ATP2A2: variants seen among roughly 807,000 people sequenced by gnomAD.
The protein encoded by ATP2A2 is ATPase sarcoplasmic/endoplasmic reticulum Ca2+ transporting 2.
In ATP2A2, 14 loss-of-function variants were observed where a neutral mutation model predicts 109.3. The observed-to-expected ratio is 0.13, with a 90% CI of 0.08 to 0.20. ATP2A2 has a LOEUF of 0.20. Among genes scored for constraint, ATP2A2 ranks in the 10% least tolerant of loss-of-function variants. The pLI is 1.00. For synonymous variants in ATP2A2, 506 were observed against 490.9 expected (o/e 1.03, Z -0.41); for missense variants, 657 against 1,321.6 (o/e 0.50, Z 7.80).
At chr12:110,294,686 C>T (rs141206232) in intron 4 of ATP2A2, among the ~76,000 whole-genome samples, 70 of 152,218 alleles carry the variant, frequency 4.6e-4, no homozygotes, top group Middle Eastern at 3.4e-3. Flanking sequence ...AAAGAACATT[C>T]TTAAGTCTTT....
intron 5 of ATP2A2, among the ~76,000 whole-genome samples, chr12:110,307,895 G>A (rs996590808): frequency 9.2e-5 from 14 of 152,124 alleles, no homozygotes; most frequent in Admixed American, 2.0e-4. Flanking sequence ...TGCTTTTGAG[G>A]CTTAGTCATA....
At position 110,339,657 on chromosome 12, in the gene ATP2A2, A is replaced by G; in HGVS notation, c.1697A>G (p.His566Arg). The change falls in exon 13 of 20, where the codon CAT (histidine) becomes CGT (arginine). Residue 566 changes from histidine (H) to arginine (R), a missense_variant. His to Arg is a conservative substitution (Grantham distance 29). This residue lies in a region of ATP2A2 where 180 missense variants were observed against 329.1 expected (regional missense o/e 0.55). Coordinates refer to ENST00000539276, the MANE Select transcript of ATP2A2 (RefSeq NM_170665.4). This position sits in a 1 kb window ranked among gnomAD's most constrained non-coding sequence, Gnocchi z 4.4. ...DTLRCLALAT[H>R]DNPLRREEMH... Reference sequence around the variant, plus strand: ...CTGCGATGCCTGGCCCTGGCCACTCATGACAACCCACTGAGAAGAGAAGAA... The same window carrying G: ...CTGCGATGCCTGGCCCTGGCCACTCGTGACAACCCACTGAGAAGAGAAGAA... The G allele has an allele frequency of 6.2e-7, 1 of 1,614,198 alleles. No homozygotes were observed. The highest frequency in any genetic ancestry group is 8.5e-7 in the Non-Finnish European group (1 of 1,180,042).
chr12:110,317,387 T>TA (rs1555280615), intron 5 of ATP2A2, among the ~76,000 whole-genome samples: 2 of 151,508 alleles, frequency 1.3e-5, no homozygotes, highest in Non-Finnish European at 2.9e-5. Context: ...AAGGATTTTT[T>TA]AAAAAAATAA....
At chr12:110,317,065 G>A (rs904851954) in intron 5 of ATP2A2, among the ~76,000 whole-genome samples, 3 of 152,164 alleles carry the variant, frequency 2.0e-5, no homozygotes, top group South Asian at 2.1e-4. Context: ...GTGAGGCCTG[G>A]AAGTAGTTTA....
Position 110,328,002 on chromosome 12 carries a change from G to A in ATP2A2, c.1080G>A (p.Gln360=). ...AGACTGGTACACTTACAACAAACCA[G>A]ATGTCAGTCTGCAGGGTAAGAGGAG... The part of the protein sequence containing the change: ...SDKTGTLTTN[Q]MSVCRMFILD... Residue 360 remains glutamine (Q), a synonymous_variant, in exon 8 of 20, where the codon CAG becomes CAA. Transcript: ENST00000539276. 1 of 1,613,758 alleles carries A rather than the reference G, an allele frequency of 6.2e-7. No individual in the cohort carries two copies. Among genetic ancestry groups the A allele is most frequent in the East Asian group, 2.2e-5 (1 of 44,886 alleles).
intron 5 of ATP2A2, among the ~76,000 whole-genome samples, chr12:110,317,764 G>T (rs909823828): frequency 6.6e-6 from 1 of 152,176 alleles, no homozygotes; most frequent in African/African-American, 2.4e-5. Context: ...ATAAACGTTT[G>T]CATGGAGTTC....
Position 110,347,107 on chromosome 12 carries a change from GTT to G in ATP2A2, c.*640_*641del. On this transcript the variant is annotated 3_prime_UTR_variant, in exon 20 of 20. Coordinates refer to ENST00000539276, the MANE Select transcript of ATP2A2 (RefSeq NM_170665.4). The stretch of plus-strand genomic sequence containing the variant: ...GTGATGGTTCGTTCTGTTTACATCA[GTT>G]TTAACGAGAGGTATGCCTGTACTCG... The G allele has an allele frequency of 9.0e-7, 1 of 1,115,912 alleles. No individual in the cohort carries two copies. Among genetic ancestry groups the G allele is most frequent in the South Asian group, 1.9e-5 (1 of 51,930 alleles). The allele number at this position is 1,115,912 out of a possible 1,614,324, so 69.1% of individuals were successfully genotyped here. A position where few individuals can be genotyped will look rare whatever the true frequency, so the allele number is the denominator to read the frequency against.
intron 3 of ATP2A2, among the ~76,000 whole-genome samples, chr12:110,289,695 A>C (rs1395905279): frequency 6.6e-6 from 1 of 152,218 alleles, no homozygotes; most frequent in Non-Finnish European, 1.5e-5. Context: ...CTTTTAAAGA[A>C]GATTTTATTA....
chr12:110,290,927 TTTTTGAG>T (rs1299765586), intron 3 of ATP2A2, among the ~76,000 whole-genome samples: 1 of 149,212 alleles, frequency 6.7e-6, no homozygotes, highest in African/African-American at 2.5e-5. Flanking sequence ...TTTTGTTTGT[TTTTTGAG>T]TTTTGCTTTT....
At chr12:110,334,362 C>G in intron 11 of ATP2A2, 1 of 614,454 alleles carries the variant, frequency 1.6e-6, no homozygotes, top group Non-Finnish European at 2.8e-6. Flanking sequence ...TTGAGCGACC[C>G]TCTGGGCCCA....
chr12:110,288,565 C>T (rs780192116), intron 3 of ATP2A2, among the ~76,000 whole-genome samples: 2 of 152,024 alleles, frequency 1.3e-5, no homozygotes, highest in Non-Finnish European at 2.9e-5. Context: ...CCACCACACT[C>T]GGCTAATTTT....
intron 8 of ATP2A2, 150 bp downstream of exon 8, chr12:110,328,167 G>T: frequency 1.2e-6 from 1 of 814,790 alleles, no homozygotes; most frequent in Non-Finnish European, 1.9e-6. Flanking sequence ...TATTTGAGAG[G>T]ATCTAATCAT....
chr12:110,348,531 C>A lies in ATP2A2; in HGVS notation c.*2061C>A. On this transcript the variant is annotated 3_prime_UTR_variant, in exon 20 of 20. Transcript: ENST00000539276. Reference sequence around the variant, plus strand: ...GGTGCTGCTGAGTTCAGAGGGCCCACGTTCAAGGGATGGAGGTGGAACCTG... The same window carrying A: ...GGTGCTGCTGAGTTCAGAGGGCCCAAGTTCAAGGGATGGAGGTGGAACCTG... The A allele has an allele frequency of 2.0e-5, 20 of 985,510 alleles. No homozygotes were observed. Among genetic ancestry groups the A allele is most frequent in the Non-Finnish European group, 2.3e-5 (19 of 830,052 alleles). The allele number at this position is 985,510 out of a possible 1,614,324, so 61.0% of individuals were successfully genotyped here. A position where few individuals can be genotyped will look rare whatever the true frequency, so the allele number is the denominator to read the frequency against.
At chr12:110,286,452 T>C (rs375902018) in intron 3 of ATP2A2, among the ~76,000 whole-genome samples, 1 of 152,262 alleles carries the variant, frequency 6.6e-6, no homozygotes, top group African/African-American at 2.4e-5. Flanking sequence ...TTCAGAGCTT[T>C]TCTTAAAATA....
In ATP2A2 at chr12:110,347,741, G is replaced by A. The variant is rs1295462313; in HGVS notation, c.*1271G>A. ...ACCAACAGTGTGTAAGTCATTAACA[G>A]TCCTAACTGTGGTGTTTTCCTCCAA... On this transcript the variant is annotated 3_prime_UTR_variant, in exon 20 of 20. Coordinates refer to ENST00000539276, the MANE Select transcript of ATP2A2 (RefSeq NM_170665.4). The A allele has an allele frequency of 3.6e-6, 4 of 1,096,398 alleles. No individual in the cohort carries two copies. The highest frequency in any genetic ancestry group is 4.5e-6 in the Non-Finnish European group (4 of 893,776). The allele number at this position is 1,096,398 out of a possible 1,614,324, so 67.9% of individuals were successfully genotyped here. A position where few individuals can be genotyped will look rare whatever the true frequency, so the allele number is the denominator to read the frequency against.
At chr12:110,297,434 C>CAA (rs5800888) in intron 5 of ATP2A2, among the ~76,000 whole-genome samples, 58 of 62,832 alleles carry the variant, frequency 9.2e-4, no homozygotes, top group Admixed American at 1.1e-3. Flanking sequence ...GACTTCATCT[C>CAA]AAAAAAAAAA....
intron 5 of ATP2A2, among the ~76,000 whole-genome samples, chr12:110,299,864 G>T (rs1207749185): frequency 6.6e-6 from 1 of 152,142 alleles, no homozygotes; most frequent in Non-Finnish European, 1.5e-5. Flanking sequence ...GGCTCAGGCA[G>T]TCCTGCCTCA....
chr12:110,299,877 C>T (rs983021209), intron 5 of ATP2A2, among the ~76,000 whole-genome samples: 2 of 152,204 alleles, frequency 1.3e-5, no homozygotes, highest in African/African-American at 4.8e-5. Context: ...CTGCCTCAGC[C>T]TCCCAAGTAG....
rs565169106 is a variant in ATP2A2 at position 110,289,060 on chromosome 12, A to C, written c.220-2960A>C. ...ATTTTGGGCTGTAGTATTTTAAAGT[A>C]GAGGTTTGCTCTGATGGTCCCATCA... On this transcript the variant is annotated intron_variant, in intron 3 of 19. Coordinates refer to ENST00000539276, the MANE Select transcript of ATP2A2 (RefSeq NM_170665.4). Among the ~76,000 whole-genome samples, 4 of 152,228 alleles carry C rather than the reference A, an allele frequency of 2.6e-5. No homozygotes were observed. The South Asian group carries it at 8.3e-4, about 32-fold the overall frequency.
Sources: gnomAD v4.1 joint callset for allele counts (sites outside exome capture counted in the v4.1 genomes callset) on GRCh38, gnomAD v4.1.1 for gene constraint, gnomAD v4.1.1 regional missense constraint, Gnocchi (gnomAD v3.1) non-coding constraint, MANE v1.5 for transcripts, NCBI Gene and HGNC (gene_info 2026-07-23, HGNC 2026-07-21) for gene names.